PKIG: variants seen among roughly 807,000 people sequenced by gnomAD.
PKIG encodes protein kinase (cAMP-dependent, catalytic) inhibitor gamma.
Under a neutral mutation model 6.8 loss-of-function variants are expected in PKIG, and 1 was observed. That is an observed-to-expected ratio of 0.15 (90% CI 0.05 to 0.69). The LOEUF is 0.69. Ranked by LOEUF, PKIG falls within the 30% of genes least tolerant of loss-of-function variation. The pLI is 0.82. For synonymous variants in PKIG, 39 were observed against 43.0 expected (o/e 0.91, Z 0.36); for missense variants, 77 against 104.0 (o/e 0.74, Z 1.13).
chr20:44,587,737 T>C (rs1262047909), intron 1 of PKIG, among the ~76,000 whole-genome samples: 1 of 152,036 alleles, frequency 6.6e-6, no homozygotes, highest in East Asian at 1.9e-4. Context: ...TGTCTCCCAA[T>C]CCCCCCACCC....
chr20:44,533,653 A>G (rs1435424776), intron 1 of PKIG, among the ~76,000 whole-genome samples: 4 of 152,066 alleles, frequency 2.6e-5, no homozygotes, highest in Non-Finnish European at 4.4e-5. Context: ...AAAGATCAAT[A>G]TTGAAAGAGA....
chr20:44,543,146 A>G (rs1356867121), intron 1 of PKIG, among the ~76,000 whole-genome samples: 2 of 152,224 alleles, frequency 1.3e-5, no homozygotes, highest in African/African-American at 4.8e-5. Flanking sequence ...TCTAAGCTTC[A>G]GAGCTTCCTC....
rs78149539 is a variant in PKIG, at chr20:44,585,956, A to G, written c.-94+3225A>G. On this transcript the variant is annotated intron_variant, in intron 1 of 3. Transcript: ENST00000372886. ...AGAAATTGGAAAGGAATAGCAGGTA[A>G]GAGCTCTAGAGTTCAGTGACAAATT... Among the ~76,000 whole-genome samples, 23 of 152,358 alleles carry G rather than the reference A, an allele frequency of 1.5e-4. No individual in the cohort carries two copies. In the East Asian group the frequency reaches 4.2e-3, roughly 28 times the overall value.
chr20:44,552,181 CTGTT>C (rs73624019), intron 1 of PKIG, among the ~76,000 whole-genome samples: 1,746 of 152,318 alleles, frequency 0.011, 17 homozygotes, highest in East Asian at 0.064. Flanking sequence ...GTCTGTCAGT[CTGTT>C]TGTCAGACTT....
chr20:44,565,875 T>G (rs769921367), intron 1 of PKIG, among the ~76,000 whole-genome samples: 44 of 152,268 alleles, frequency 2.9e-4, no homozygotes, highest in Non-Finnish European at 4.4e-4. Flanking sequence ...CAATTCTCCC[T>G]CCTCAGCCTC....
At chr20:44,554,586 G>A (rs1333627565) in intron 1 of PKIG, among the ~76,000 whole-genome samples, 1 of 152,110 alleles carries the variant, frequency 6.6e-6, no homozygotes, top group African/African-American at 2.4e-5. Flanking sequence ...GGGTGAGGGG[G>A]TGGCAAGTAC....
At position 44,590,287 on chromosome 20, in the gene PKIG, A is replaced by T. The variant is rs562940996; in HGVS notation, c.-24+421A>T. Among the ~76,000 whole-genome samples the T allele has an allele frequency of 3.3e-5, 5 of 152,274 alleles. No individual in the cohort carries two copies. The East Asian group carries it at 9.7e-4, about 29-fold the overall frequency. On this transcript the variant is annotated intron_variant, in intron 2 of 3. Coordinates refer to ENST00000372886, the MANE Select transcript of PKIG (RefSeq NM_001281445.2). ...ACCAGGGCACATTATGGGAATTTTC[A>T]TTTTAATGCTGTAATAGAGGAGCAA...
intron 1 of PKIG, among the ~76,000 whole-genome samples, chr20:44,550,739 A>G (rs2064660142): frequency 6.6e-6 from 1 of 152,172 alleles, no homozygotes; most frequent in African/African-American, 2.4e-5. Flanking sequence ...TATGTTACAG[A>G]TGGAGAAACT....
At chr20:44,539,490 GC>G (rs2064541856) in intron 1 of PKIG, among the ~76,000 whole-genome samples, 1 of 151,738 alleles carries the variant, frequency 6.6e-6, no homozygotes, top group Non-Finnish European at 1.5e-5. Flanking sequence ...CGTGATCTCG[GC>G]TCACTGCAAC....
At chr20:44,604,785 TAC>T (rs2123441546) in intron 2 of PKIG, among the ~76,000 whole-genome samples, 2 of 152,054 alleles carry the variant, frequency 1.3e-5, no homozygotes, top group East Asian at 3.9e-4. Flanking sequence ...CCCTTTGGAG[TAC>T]ACAGAGGAGC....
rs894652331 is a variant in PKIG, at chr20:44,557,462, G to A, written c.-240-25123G>A. Among the ~76,000 whole-genome samples, 8 of 146,508 alleles carry A rather than the reference G, an allele frequency of 5.5e-5. No homozygotes were observed. The East Asian group carries it at 1.6e-3, about 30-fold the overall frequency. ...AATTGCGTGAACCTGGGAGGCAGAGGTTGCTGTGAGCCGAGATCGCACCAC... is the reference window on the plus strand; with the variant it reads ...AATTGCGTGAACCTGGGAGGCAGAGATTGCTGTGAGCCGAGATCGCACCAC... On this transcript the variant is annotated intron_variant, in intron 1 of 4. Coordinates refer to the PKIG transcript ENST00000372887.
chr20:44,611,983 T>TTG (rs148310131), intron 2 of PKIG, among the ~76,000 whole-genome samples: 10,146 of 152,236 alleles, frequency 0.067, 496 homozygotes, highest in African/African-American at 0.14. Context: ...TAGTATTCCT[T>TTG]TGTGTATATA....
At chr20:44,612,207 G>T (rs553478007) in intron 2 of PKIG, among the ~76,000 whole-genome samples, 7 of 152,214 alleles carry the variant, frequency 4.6e-5, no homozygotes, top group African/African-American at 7.2e-5. Context: ...TTCCATAGTG[G>T]CTGTATGGCA....
intron 1 of PKIG, among the ~76,000 whole-genome samples, chr20:44,587,926 C>T (rs771172281): frequency 3.4e-4 from 52 of 151,892 alleles, no homozygotes; most frequent in Non-Finnish European, 6.6e-4. Context: ...GATTCATCTA[C>T]TGCTAAGAAC....
At chr20:44,548,035 C>T (rs975452003) in intron 1 of PKIG, among the ~76,000 whole-genome samples, 10 of 151,848 alleles carry the variant, frequency 6.6e-5, no homozygotes, top group Non-Finnish European at 1.0e-4. Context: ...AAAAATTAGC[C>T]GGGTGTGGTG....
chr20:44,558,582 C>CTTTT (rs1568810146), intron 1 of PKIG, among the ~76,000 whole-genome samples: 1 of 144,700 alleles, frequency 6.9e-6, no homozygotes, highest in African/African-American at 2.6e-5. Flanking sequence ...TTTTTTCTTT[C>CTTTT]TTTCTTTCTT....
intron 1 of PKIG, among the ~76,000 whole-genome samples, chr20:44,583,768 A>G (rs6073491): frequency 0.43 from 64,744 of 152,048 alleles, 15,874 homozygotes; most frequent in Non-Finnish European, 0.57. Context: ...TCAGTATGAA[A>G]TGAACTGTCC....
intron 1 of PKIG, among the ~76,000 whole-genome samples, chr20:44,533,226 C>T (rs2064483618): frequency 6.6e-6 from 1 of 152,246 alleles, no homozygotes; most frequent in South Asian, 2.1e-4. Context: ...GATGAGGTCT[C>T]ACTATGTTGC....
At chr20:44,617,992 CACAA>C (rs148116563) in intron 3 of PKIG, among the ~76,000 whole-genome samples, 5,631 of 152,258 alleles carry the variant, frequency 0.037, 135 homozygotes, top group Non-Finnish European at 0.055. Flanking sequence ...GGGGAACCTG[CACAA>C]ACAAAGCAAC....
Sources: allele counts gnomAD v4.1 joint callset (sites outside exome capture counted in the v4.1 genomes callset), GRCh38; gene constraint gnomAD v4.1.1; transcripts MANE v1.5; gene names NCBI Gene and HGNC (gene_info 2026-07-23, HGNC 2026-07-21).